Variants in FGF14 observed in about 807,000 individuals in gnomAD.
The protein encoded by FGF14 is fibroblast growth factor homologous factor 4.
In FGF14, 5 loss-of-function variants were observed where a neutral mutation model predicts 25.5. The observed-to-expected ratio is 0.20, with a 90% CI of 0.10 to 0.41. The LOEUF (loss-of-function observed/expected upper bound fraction) is 0.41, where lower values mean the gene tolerates loss of function less well. Among genes scored for constraint, FGF14 ranks in the 10% least tolerant of loss-of-function variants. The pLI is 1.00. For synonymous variants in FGF14, 138 were observed against 118.3 expected (o/e 1.17, Z -1.08); for missense variants, 222 against 320.1 (o/e 0.69, Z 2.34).
At chr13:102,284,309 A>C (rs2053986882) in intron 1 of FGF14, among the ~76,000 whole-genome samples, 1 of 152,158 alleles carries the variant, frequency 6.6e-6, no homozygotes, top group Non-Finnish European at 1.5e-5. Context: ...CTCATGAAGG[A>C]CTCTATGAAG....
At chr13:102,162,675 G>C (rs187712394) in intron 1 of FGF14, among the ~76,000 whole-genome samples, 1 of 152,286 alleles carries the variant, frequency 6.6e-6, no homozygotes, top group Admixed American at 6.5e-5. Context: ...ATTATGTGTT[G>C]AGAGTGAAAT....
Position 101,715,739 on chromosome 13 carries a change from C to T in FGF14, c.*7092G>A. On this transcript the variant is annotated 3_prime_UTR_variant, in exon 5 of 5. Transcript: ENST00000376143. ...CGAAGGAAACCATGTATATTCACCACTAGGACAGGTTAAAAAGACCATTGT... is the reference window on the plus strand; with the variant it reads ...CGAAGGAAACCATGTATATTCACCATTAGGACAGGTTAAAAAGACCATTGT... The T allele has an allele frequency of 1.2e-6, 1 of 802,462 alleles. No individual in the cohort carries two copies. The highest frequency in any genetic ancestry group is 2.2e-6 in the Non-Finnish European group (1 of 464,426). The allele number at this position is 802,462 out of a possible 1,614,324, so 49.7% of individuals were successfully genotyped here. A position where few individuals can be genotyped will look rare whatever the true frequency, so the allele number is the denominator to read the frequency against.
chr13:101,805,289 G>A (rs2041132904), intron 3 of FGF14, among the ~76,000 whole-genome samples: 1 of 151,828 alleles, frequency 6.6e-6, no homozygotes, highest in Non-Finnish European at 1.5e-5. Flanking sequence ...ACTGTGTGGA[G>A]GTCTACAAAG....
chr13:102,237,934 T>G (rs2051405807), intron 1 of FGF14, among the ~76,000 whole-genome samples: 1 of 152,200 alleles, frequency 6.6e-6, no homozygotes, highest in African/African-American at 2.4e-5. Context: ...TAAACTGGTA[T>G]TAAGGACACA....
intron 2 of FGF14, among the ~76,000 whole-genome samples, chr13:101,870,334 T>G (rs1467080746): frequency 2.0e-5 from 3 of 152,114 alleles, no homozygotes; most frequent in African/African-American, 7.2e-5. Context: ...CTTGAAAGAA[T>G]GGGCACCATA....
intron 1 of FGF14, among the ~76,000 whole-genome samples, chr13:102,287,288 C>T (rs2184807): frequency 0.16 from 23,636 of 152,128 alleles, 1,994 homozygotes; most frequent in East Asian, 0.38. Context: ...GCATGTACTG[C>T]GTCTGGTGTA....
intron 1 of FGF14, among the ~76,000 whole-genome samples, chr13:102,159,436 G>A (rs1339081647): frequency 6.6e-6 from 1 of 152,166 alleles, no homozygotes; most frequent in Non-Finnish European, 1.5e-5. Flanking sequence ...ACAGATGATA[G>A]AATTCCTCAT....
intron 4 of FGF14, 97 bp from the exon 5 acceptor site, chr13:101,723,064 A>G: frequency 6.8e-7 from 1 of 1,463,012 alleles, no homozygotes; most frequent in South Asian, 1.1e-5. Context: ...CAGTTTGCCC[A>G]TTTCTGTTTT....
intron 1 of FGF14, among the ~76,000 whole-genome samples, chr13:101,932,256 G>A (rs760888203): frequency 1.1e-4 from 17 of 152,104 alleles, no homozygotes; most frequent in African/African-American, 4.1e-4. Flanking sequence ...CAGGCCGGGT[G>A]CAGTGGCTCA....
chr13:101,873,354 G>T (rs973525104), intron 2 of FGF14, among the ~76,000 whole-genome samples: 1 of 152,038 alleles, frequency 6.6e-6, no homozygotes, highest in Non-Finnish European at 1.5e-5. Context: ...TATTTTTCAC[G>T]TAGTCCAATA....
chr13:101,770,870 A>G (rs562024316), intron 3 of FGF14, among the ~76,000 whole-genome samples: 66 of 152,278 alleles, frequency 4.3e-4, no homozygotes, highest in Middle Eastern at 6.8e-3. Context: ...AATGACATAG[A>G]ACTATCAAGG....
intron 1 of FGF14, among the ~76,000 whole-genome samples, chr13:102,025,838 T>C (rs2040895580): frequency 2.6e-5 from 4 of 152,110 alleles, no homozygotes; most frequent in Admixed American, 2.6e-4. Flanking sequence ...GATTGTTCTA[T>C]ATTGAGCTTG....
At chr13:102,342,112 C>T (rs2056969753) in intron 1 of FGF14, among the ~76,000 whole-genome samples, 1 of 152,148 alleles carries the variant, frequency 6.6e-6, no homozygotes, top group South Asian at 2.1e-4. Context: ...AAGTTTAAAG[C>T]CATTTAGATA....
At chr13:101,971,676 C>T (rs895259248) in intron 1 of FGF14, among the ~76,000 whole-genome samples, 2 of 152,172 alleles carry the variant, frequency 1.3e-5, no homozygotes, top group African/African-American at 4.8e-5. Context: ...CCAGCCTCAG[C>T]ATAGAAATTT....
intron 3 of FGF14, among the ~76,000 whole-genome samples, chr13:101,744,719 G>A (rs2036774296): frequency 6.6e-6 from 1 of 152,040 alleles, no homozygotes; most frequent in Non-Finnish European, 1.5e-5. Flanking sequence ...GTAAGATCTA[G>A]AGCTGCAAAA....
chr13:101,878,135 G>C (rs1166562251), intron 1 of FGF14, among the ~76,000 whole-genome samples: 4 of 152,074 alleles, frequency 2.6e-5, no homozygotes, highest in Non-Finnish European at 4.4e-5. Context: ...TCCATCCCCT[G>C]CAAGTAGCCT....
At chr13:102,247,949 T>C (rs1243136953) in intron 1 of FGF14, among the ~76,000 whole-genome samples, 2 of 152,194 alleles carry the variant, frequency 1.3e-5, no homozygotes. Context: ...GGAATGTGGA[T>C]GGAGCTGGAG....
At chr13:102,308,559 G>C (rs543331721) in intron 1 of FGF14, among the ~76,000 whole-genome samples, 33 of 152,266 alleles carry the variant, frequency 2.2e-4, no homozygotes, top group African/African-American at 7.9e-4. Context: ...AAAATTCAAT[G>C]CAATTATGTC....
chr13:102,382,673 T>C (rs995343129), intron 1 of FGF14, among the ~76,000 whole-genome samples: 1 of 152,110 alleles, frequency 6.6e-6, no homozygotes, highest in Admixed American at 6.5e-5. Flanking sequence ...TATACATAAA[T>C]GTTCATAGCT....
Sources: allele counts gnomAD v4.1 joint callset (sites outside exome capture counted in the v4.1 genomes callset), GRCh38; gene constraint gnomAD v4.1.1; transcripts MANE v1.5; gene names NCBI Gene and HGNC (gene_info 2026-07-23, HGNC 2026-07-21).